The following ATP2B2 variants were observed in gnomAD, a reference collection of about 807,000 sequenced individuals.
The protein encoded by ATP2B2 is ATPase plasma membrane Ca2+ transporting 2.
Under a neutral mutation model 120.0 loss-of-function variants are expected in ATP2B2, and 15 were observed. The ratio of observed to expected loss-of-function variants is 0.12; its 90% CI spans 0.08 to 0.19. ATP2B2 has a LOEUF of 0.19. Ranked by LOEUF, ATP2B2 falls within the 10% of genes least tolerant of loss-of-function variation. The probability of loss-of-function intolerance (pLI) is 1.00; values close to 1 mark genes in which losing one functional copy is unlikely to be tolerated. For missense variants in ATP2B2, 1,045 were observed against 1,719.8 expected, an observed-to-expected ratio of 0.61 and a Z score of 6.94; for synonymous variants, 694 against 700.3, an observed-to-expected ratio of 0.99 and a Z score of 0.14.
chr3:10,457,952 C>G (rs984328790), intron 1 of ATP2B2, among the ~76,000 whole-genome samples: 2 of 152,150 alleles, frequency 1.3e-5, no homozygotes, highest in Non-Finnish European at 2.9e-5. Context: ...AAGGGGAGGT[C>G]CAGCCCTTAC....
intron 2 of ATP2B2, among the ~76,000 whole-genome samples, chr3:10,584,120 C>A (rs898549516): frequency 1.3e-5 from 2 of 151,736 alleles, no homozygotes; most frequent in Non-Finnish European, 2.9e-5. Context: ...GAGCTTTCCG[C>A]TTGGACTTGA....
intron 3 of ATP2B2, among the ~76,000 whole-genome samples, chr3:10,526,440 A>T (rs577590371): frequency 1.3e-5 from 2 of 152,334 alleles, no homozygotes; most frequent in Non-Finnish European, 2.9e-5. Context: ...AGCTTCCTCC[A>T]AAGCTATATC....
chr3:10,337,510 G>T (rs76596509), intron 22 of ATP2B2, among the ~76,000 whole-genome samples: 92 of 1,004 alleles, frequency 0.092, no homozygotes, highest in African/African-American at 0.22. Context: ...GTGTGGGGGG[G>T]TCGGGGGAGG....
chr3:10,411,133 T>TA (rs2062596930), intron 2 of ATP2B2, among the ~76,000 whole-genome samples: 1 of 152,212 alleles, frequency 6.6e-6, no homozygotes, highest in African/African-American at 2.4e-5. Flanking sequence ...CATCCAGGAT[T>TA]ATCTGTCTGG....
intron 3 of ATP2B2, among the ~76,000 whole-genome samples, chr3:10,515,020 G>A (rs2066849371): frequency 6.6e-6 from 1 of 152,238 alleles, no homozygotes; most frequent in African/African-American, 2.4e-5. Flanking sequence ...AGAAGGGTAT[G>A]GAAGGATCTC....
At chr3:10,474,492 G>A (rs2065132225) in intron 1 of ATP2B2, among the ~76,000 whole-genome samples, 1 of 152,202 alleles carries the variant, frequency 6.6e-6, no homozygotes, top group Non-Finnish European at 1.5e-5. Flanking sequence ...AAGACTCAGA[G>A]CCCAGCCCCA....
Position 10,459,090 on chromosome 3 carries a change from G to A in ATP2B2, c.-319-9228C>T, listed in dbSNP as rs1370945. On this transcript the variant is annotated intron_variant, in intron 1 of 22. Coordinates refer to ENST00000360273, the MANE Select transcript of ATP2B2 (RefSeq NM_001001331.4). ...GGACATCCCAGTTGCAGGTCAAGTC[G>A]TGCTTGGCTGGAGGCCGAAGGAAGG... Among the ~76,000 whole-genome samples the A allele has an allele frequency of 6.3e-3, 967 of 152,328 alleles. 11 individuals carry two copies. The highest frequency in any genetic ancestry group is 0.022 in the African/African-American group (906 of 41,570).
intron 1 of ATP2B2, among the ~76,000 whole-genome samples, chr3:10,683,768 A>ATATATATC (rs2071446386): frequency 1.6e-5 from 1 of 64,230 alleles, no homozygotes; most frequent in Non-Finnish European, 2.7e-5. Context: ...GTGTATATAT[A>ATATATATC]TATATATATA....
At chr3:10,495,149 C>T (rs1232833703) in intron 1 of ATP2B2, among the ~76,000 whole-genome samples, 1 of 152,208 alleles carries the variant, frequency 6.6e-6, no homozygotes, top group Admixed American at 6.5e-5. Context: ...CAAGGACACC[C>T]TGAACTTGTC....
intron 1 of ATP2B2, among the ~76,000 whole-genome samples, chr3:10,483,430 G>A (rs1053249219): frequency 6.6e-6 from 1 of 152,204 alleles, no homozygotes; most frequent in Admixed American, 6.5e-5. Flanking sequence ...AATGGGCAAG[G>A]CCCTGGCCTG....
chr3:10,564,969 C>T (rs968827439), intron 2 of ATP2B2, among the ~76,000 whole-genome samples: 5 of 152,150 alleles, frequency 3.3e-5, no homozygotes, highest in Non-Finnish European at 7.4e-5. Flanking sequence ...GTGACTAAAT[C>T]CTCATCTGAA....
intron 2 of ATP2B2, among the ~76,000 whole-genome samples, chr3:10,432,693 G>A (rs993659005): frequency 6.6e-6 from 1 of 152,236 alleles, no homozygotes; most frequent in Admixed American, 6.5e-5. Flanking sequence ...AGGTGGCAGG[G>A]GCATGTCTTC....
intron 2 of ATP2B2, among the ~76,000 whole-genome samples, chr3:10,413,103 C>T (rs1356911505): frequency 1.3e-5 from 2 of 152,208 alleles, no homozygotes; most frequent in Non-Finnish European, 2.9e-5. Flanking sequence ...CCCATTCATT[C>T]ATTCAGTTTG....
At chr3:10,566,845 T>C (rs2068020195) in intron 2 of ATP2B2, among the ~76,000 whole-genome samples, 1 of 152,328 alleles carries the variant, frequency 6.6e-6, no homozygotes, top group East Asian at 1.9e-4. Flanking sequence ...ATTTCCTTGA[T>C]TGTCTAATTC....
chr3:10,534,800 G>A (rs1199622714), intron 2 of ATP2B2, among the ~76,000 whole-genome samples: 6 of 151,694 alleles, frequency 4.0e-5, no homozygotes, highest in South Asian at 2.1e-4. Flanking sequence ...TCTTAGAAAC[G>A]CCCGACAAAC....
chr3:10,571,461 G>A (rs2068124360), intron 2 of ATP2B2, among the ~76,000 whole-genome samples: 1 of 152,234 alleles, frequency 6.6e-6, no homozygotes, highest in Non-Finnish European at 1.5e-5. Context: ...TGGAGGAGGG[G>A]CCGCTGAACT....
At position 10,342,977 on chromosome 3, in the gene ATP2B2, C is replaced by A; in HGVS notation, c.2704-12G>T. 2.5e-6 allele frequency: 4 copies of A among 1,613,108 alleles called. No individual in the cohort carries two copies. The highest frequency in any genetic ancestry group is 3.4e-6 in the Non-Finnish European group (4 of 1,179,542). On this transcript the variant is annotated splice_polypyrimidine_tract_variant and intron_variant, in intron 18 of 22. Coordinates refer to ENST00000360273, the MANE Select transcript of ATP2B2 (RefSeq NM_001001331.4). The surrounding 1 kb of genome is among the most constrained non-coding windows in gnomAD (Gnocchi z 4.4). ...TTCAGAGGGGAGTCCTGGGGACGGG[C>A]AGGAGAGGGCTGTCACCTGTGCGCC...
At chr3:10,658,815 A>C (rs2070706255) in intron 1 of ATP2B2, among the ~76,000 whole-genome samples, 1 of 152,042 alleles carries the variant, frequency 6.6e-6, no homozygotes, top group African/African-American at 2.4e-5. Flanking sequence ...AGTTGAAATG[A>C]AGGAAAAAAT....
intron 22 of ATP2B2, 117 bp downstream of exon 22, chr3:10,338,059 T>C: frequency 7.1e-7 from 1 of 1,405,152 alleles, no homozygotes; most frequent in Non-Finnish European, 9.7e-7. Flanking sequence ...GACCCCTCTG[T>C]AGCCACCCTC....
Sources: gnomAD v4.1 joint callset for allele counts (sites outside exome capture counted in the v4.1 genomes callset) on GRCh38, gnomAD v4.1.1 for gene constraint, Gnocchi (gnomAD v3.1) non-coding constraint, MANE v1.5 for transcripts, NCBI Gene and HGNC (gene_info 2026-07-23, HGNC 2026-07-21) for gene names.